The following HS6ST2 variants were observed in gnomAD, a reference collection of about 807,000 sequenced individuals.
HS6ST2 encodes the protein heparan-sulfate 6-O-sulfotransferase 2.
In HS6ST2, 17 loss-of-function variants were observed where a neutral mutation model predicts 33.0. That is an observed-to-expected ratio of 0.52 (90% CI 0.35 to 0.77). The LOEUF (loss-of-function observed/expected upper bound fraction) is 0.77, where lower values mean the gene tolerates loss of function less well. Ranked by LOEUF, HS6ST2 falls within the 30% of genes least tolerant of loss-of-function variation. The pLI is 0.01. For synonymous variants in HS6ST2, 248 were observed against 237.1 expected (o/e 1.05, Z -0.42); for missense variants, 519 against 551.7 (o/e 0.94, Z 0.59).
intron 4 of HS6ST2, among the ~76,000 whole-genome samples, chrX:132,647,288 G>A (rs1221441416): frequency 1.8e-5 from 2 of 109,849 alleles, no homozygotes; most frequent in South Asian, 4.0e-4. Context: ...CTGTCCTGAC[G>A]CCATAACTCC....
intron 4 of HS6ST2, among the ~76,000 whole-genome samples, chrX:132,661,472 G>C (rs1236795839): frequency 9.0e-6 from 1 of 110,618 alleles, no homozygotes; most frequent in African/African-American, 3.3e-5. Flanking sequence ...AATATTTAGG[G>C]ATATATCTGA....
At chrX:132,635,945 C>T (rs1021873952) in intron 4 of HS6ST2, among the ~76,000 whole-genome samples, 1 of 111,009 alleles carries the variant, frequency 9.0e-6, no homozygotes, top group Admixed American at 9.6e-5. Context: ...CAAAACTCAA[C>T]TCAAAGACTG....
chrX:132,796,320 G>T (rs779251781), intron 2 of HS6ST2, among the ~76,000 whole-genome samples: 1 of 111,533 alleles, frequency 9.0e-6, no homozygotes, highest in African/African-American at 3.3e-5. Flanking sequence ...CCAACCTACC[G>T]AATTCCTACT....
intron 2 of HS6ST2, among the ~76,000 whole-genome samples, chrX:132,783,658 A>T (rs1226043889): frequency 9.0e-6 from 1 of 110,977 alleles, no homozygotes; most frequent in Non-Finnish European, 1.9e-5. Context: ...GGAGACCCCA[A>T]GCCTGGGAAT....
intron 2 of HS6ST2, among the ~76,000 whole-genome samples, chrX:132,754,132 C>A (rs887443086): frequency 9.0e-6 from 1 of 111,288 alleles, no homozygotes; most frequent in African/African-American, 3.3e-5. Context: ...TCAGACTTTT[C>A]TGGATTTTGA....
intron 2 of HS6ST2, among the ~76,000 whole-genome samples, chrX:132,755,339 A>G (rs2064748514): frequency 9.0e-6 from 1 of 111,472 alleles, no homozygotes. Flanking sequence ...ACACTTCCTT[A>G]CTTTCTGGCA....
chrX:132,802,440 G>A (rs1461223788), intron 2 of HS6ST2, among the ~76,000 whole-genome samples: 1 of 111,662 alleles, frequency 9.0e-6, no homozygotes, highest in Non-Finnish European at 1.9e-5. Flanking sequence ...CATACAGCAA[G>A]GCTGCCTGCC....
intron 2 of HS6ST2, among the ~76,000 whole-genome samples, chrX:132,794,555 G>GGATGATGACGAT (rs2065154294): frequency 1.1e-5 from 1 of 92,277 alleles, no homozygotes; most frequent in African/African-American, 4.2e-5. Context: ...CACCACTCCT[G>GGATGATGACGAT]GATGATGATG....
chrX:132,871,817 AAT>A (rs1292179820), intron 2 of HS6ST2, among the ~76,000 whole-genome samples: 13 of 110,436 alleles, frequency 1.2e-4, no homozygotes, highest in Non-Finnish European at 2.5e-4. Flanking sequence ...TATTAGGAGA[AAT>A]ATCTAATGTA....
chrX:132,858,198 C>G (rs1251439154), intron 2 of HS6ST2, among the ~76,000 whole-genome samples: 2 of 111,765 alleles, frequency 1.8e-5, no homozygotes, highest in Non-Finnish European at 3.8e-5. Context: ...AAGATGTACA[C>G]AGGAAAGGGT....
intron 4 of HS6ST2, among the ~76,000 whole-genome samples, chrX:132,643,210 T>A (rs1193701321): frequency 9.0e-6 from 1 of 111,405 alleles, no homozygotes; most frequent in Non-Finnish European, 1.9e-5. Context: ...TTTTTTTTTT[T>A]AAAGGGGCAC....
At chrX:132,833,413 G>T (rs1392646903) in intron 2 of HS6ST2, among the ~76,000 whole-genome samples, 1 of 111,661 alleles carries the variant, frequency 9.0e-6, no homozygotes, top group African/African-American at 3.3e-5. Context: ...CACTTGGCAT[G>T]TAGTGGCTAA....
chrX:132,949,520 A>C, intron 2 of HS6ST2, among the ~76,000 whole-genome samples: 1 of 110,550 alleles, frequency 9.0e-6, no homozygotes. Flanking sequence ...TGTCTGACTC[A>C]TCACCTCTGC....
intron 2 of HS6ST2, among the ~76,000 whole-genome samples, chrX:132,780,808 G>A (rs1050056119): frequency 8.1e-5 from 9 of 111,781 alleles, no homozygotes; most frequent in East Asian, 2.8e-4. Context: ...CTGCTACTCC[G>A]AGCCCCCAGC....
intron 4 of HS6ST2, among the ~76,000 whole-genome samples, chrX:132,639,728 C>T (rs1476234954): frequency 1.8e-5 from 2 of 111,845 alleles, no homozygotes; most frequent in Non-Finnish European, 3.8e-5. Context: ...TCTTCCTTCT[C>T]CCAACCCTGA....
At chrX:132,856,370 A>T (rs1386798989) in intron 2 of HS6ST2, among the ~76,000 whole-genome samples, 1 of 112,272 alleles carries the variant, frequency 8.9e-6, no homozygotes, top group East Asian at 2.8e-4. Context: ...TATGTGTAGG[A>T]AAGAACATAG....
chrX:132,793,933 G>C (rs1270847748), intron 2 of HS6ST2, among the ~76,000 whole-genome samples: 1 of 112,341 alleles, frequency 8.9e-6, no homozygotes, highest in African/African-American at 3.2e-5. Flanking sequence ...CCGGATTCTA[G>C]TAAAATAGAT....
intron 2 of HS6ST2, among the ~76,000 whole-genome samples, chrX:132,815,292 G>A (rs934177979): frequency 9.0e-6 from 1 of 111,647 alleles, no homozygotes; most frequent in Non-Finnish European, 1.9e-5. Context: ...TTTATGTATC[G>A]ATTATTCTGT....
chrX:132,742,200 T>C (rs2064587076), intron 2 of HS6ST2, among the ~76,000 whole-genome samples: 1 of 112,262 alleles, frequency 8.9e-6, no homozygotes, highest in African/African-American at 3.2e-5. Context: ...AGCTGCTATT[T>C]CAAACTGGGG....
Sources: allele counts gnomAD v4.1 joint callset (sites outside exome capture counted in the v4.1 genomes callset), GRCh38; gene constraint gnomAD v4.1.1; transcripts MANE v1.5; gene names NCBI Gene and HGNC (gene_info 2026-07-23, HGNC 2026-07-21).